The following KCNG1 variants were observed in gnomAD, a reference collection of about 807,000 sequenced individuals.
KCNG1 encodes potassium voltage-gated channel modifier subfamily G member 1.
Under a neutral mutation model 32.4 loss-of-function variants are expected in KCNG1, and 17 were observed. The ratio of observed to expected loss-of-function variants is 0.52; its 90% confidence interval spans 0.36 to 0.79. KCNG1 has a LOEUF of 0.79. Among genes scored for constraint, KCNG1 ranks in the 30% least tolerant of loss-of-function variants. KCNG1 has a pLI of 0.00. For synonymous variants in KCNG1, 358 were observed against 339.9 expected (o/e 1.05, Z -0.59); for missense variants, 441 against 735.2 (o/e 0.60, Z 4.63).
intron 1 of KCNG1, among the ~76,000 whole-genome samples, chr20:51,020,204 T>G (rs1246167020): frequency 6.6e-6 from 1 of 152,200 alleles, no homozygotes; most frequent in Non-Finnish European, 1.5e-5. Flanking sequence ...CACGTTTGCG[T>G]TTGCCTTCTT....
chr20:51,010,472 C>T, intron 1 of KCNG1, 108 bp from the exon 2 acceptor site: 1 of 798,568 alleles, frequency 1.3e-6, no homozygotes, highest in Non-Finnish European at 1.9e-6. Flanking sequence ...CTTTGTCCCC[C>T]ACATCCATAG....
chr20:51,022,159 T>C (rs932571094), intron 1 of KCNG1, among the ~76,000 whole-genome samples: 1 of 152,236 alleles, frequency 6.6e-6, no homozygotes, highest in Non-Finnish European at 1.5e-5. Context: ...GATGAATGAC[T>C]GTTGAGCGCT....
At chr20:51,011,633 G>T (rs1988098160) in intron 1 of KCNG1, among the ~76,000 whole-genome samples, 1 of 152,222 alleles carries the variant, frequency 6.6e-6, no homozygotes, top group African/African-American at 2.4e-5. Context: ...GAGCCACACA[G>T]CCTGGGCAAG....
chr20:51,019,375 G>T (rs1988389217), intron 1 of KCNG1, among the ~76,000 whole-genome samples: 1 of 152,122 alleles, frequency 6.6e-6, no homozygotes, highest in South Asian at 2.1e-4. Flanking sequence ...GCTGAGCATG[G>T]TGGTGTGTAC....
Position 51,004,340 on chromosome 20 carries a change from C to G in KCNG1, c.1241G>C (p.Cys414Ser). 1 of 1,613,922 alleles carries G rather than the reference C, an allele frequency of 6.2e-7. No homozygotes were observed. Among genetic ancestry groups the G allele is most frequent in the Non-Finnish European group, 8.5e-7 (1 of 1,179,822 alleles). Residue 414 changes from cysteine to serine, a missense_variant, in exon 3 of 3, where the codon TGC becomes TCC. Physicochemically the swap from Cys to Ser is moderately radical, Grantham distance 112 (BLOSUM62 -1). Transcript: ENST00000371571. The surrounding 1 kb of genome is among the most constrained non-coding windows in gnomAD (Gnocchi z 4.3). ...CATGGTGATGACAGCCCACCAGTAG[C>G]AGGCAGGGATGCTGGTGAACTCGGG... ...DSPEFTSIPACYWWAVITMTT... is the reference protein window; with the variant it reads ...DSPEFTSIPASYWWAVITMTT...
chr20:51,008,380 G>A (rs951502329), intron 2 of KCNG1, among the ~76,000 whole-genome samples: 38 of 152,156 alleles, frequency 2.5e-4, no homozygotes, highest in African/African-American at 9.2e-4. Context: ...GCCCAAGCAG[G>A]AGTGCAGTGG....
At chr20:51,007,898 T>C (rs1338899096) in intron 2 of KCNG1, 4 of 151,778 alleles carry the variant, frequency 2.6e-5, no homozygotes, top group African/African-American at 9.7e-5. Flanking sequence ...TAAGCCTCTG[T>C]GGATTATTAA....
In KCNG1 at chr20:51,004,678, C is replaced by T. The variant is rs1333175238; in HGVS notation, c.903G>A (p.Leu301=). 1 of 1,602,416 alleles carries T rather than the reference C, an allele frequency of 6.2e-7. No individual in the cohort carries two copies. The highest frequency in any genetic ancestry group is 2.3e-5 in the East Asian group (1 of 44,302). ...PSKFAFLRSP[L]TLIDLVAILP... is the part of the protein sequence containing the mutation. ...GGATGGCCACCAGGTCGATCAGCGT[C>T]AGCGGGCTCCGCAGGAAGGCGAACT... The change falls in exon 3 of 3, where the codon CTG becomes CTA. Residue 301 remains leucine (L), a synonymous_variant. Transcript: ENST00000371571. This position sits in a 1 kb window ranked among gnomAD's most constrained non-coding sequence, Gnocchi z 4.3.
chr20:51,003,822 C>G lies in KCNG1; in HGVS notation c.*217G>C, dbSNP rs953179150. On this transcript the variant is annotated 3_prime_UTR_variant, in exon 3 of 3. Coordinates refer to ENST00000371571, the MANE Select transcript of KCNG1 (RefSeq NM_002237.4). Reference sequence around the variant, plus strand: ...CGGGGCTGGGCTGATGACCCAGCTTCCTTTCACGGCTGCAGGCGGAGGGGC... The same window carrying G: ...CGGGGCTGGGCTGATGACCCAGCTTGCTTTCACGGCTGCAGGCGGAGGGGC... 7.1e-6 allele frequency: 4 copies of G among 562,740 alleles called. No homozygotes were observed. The African/African-American group carries it at 7.5e-5, about 11-fold the overall frequency. The allele number at this position is 562,740 out of a possible 1,614,324, so 34.9% of individuals were successfully genotyped here. A position where few individuals can be genotyped will look rare whatever the true frequency, so the allele number is the denominator to read the frequency against.
chr20:51,022,883 C>T lies in KCNG1; in HGVS notation c.-40G>A, dbSNP rs956230847. On this transcript the variant is annotated 5_prime_UTR_variant, in exon 1 of 3. Coordinates refer to ENST00000371571, the MANE Select transcript of KCNG1 (RefSeq NM_002237.4). ...CAAAGTTCCCACCTCAAGTTCCCGTCGCGGCGTCCCCGCCTCGGAGTTGGC... is the reference window on the plus strand; with the variant it reads ...CAAAGTTCCCACCTCAAGTTCCCGTTGCGGCGTCCCCGCCTCGGAGTTGGC... 3 of 152,244 alleles carry T rather than the reference C, an allele frequency of 2.0e-5. No individual in the cohort carries two copies. The highest frequency in any genetic ancestry group is 1.3e-4 in the Admixed American group (2 of 15,286). The allele number at this position is 152,244 out of a possible 1,614,324, so 9.4% of individuals were successfully genotyped here. A position where few individuals can be genotyped will look rare whatever the true frequency, so the allele number is the denominator to read the frequency against.
intron 1 of KCNG1, among the ~76,000 whole-genome samples, chr20:51,018,715 C>T (rs1988366400): frequency 6.6e-6 from 1 of 152,240 alleles, no homozygotes. Context: ...TCACTAATAC[C>T]CCCATTTTAC....
intron 1 of KCNG1, among the ~76,000 whole-genome samples, chr20:51,016,011 A>G (rs1988268346): frequency 6.6e-6 from 1 of 152,220 alleles, no homozygotes; most frequent in Non-Finnish European, 1.5e-5. Flanking sequence ...AAAGGAGCAC[A>G]GCCTTGCCAA....
intron 1 of KCNG1, among the ~76,000 whole-genome samples, chr20:51,014,633 G>A (rs187218815): frequency 1.3e-5 from 2 of 152,320 alleles, no homozygotes; most frequent in African/African-American, 2.4e-5. Flanking sequence ...CCGGAGACAC[G>A]GCAGAGAACA....
In KCNG1 at chr20:51,015,239, T is replaced by G; in HGVS notation, c.-26-4875A>C. 1.3e-5 allele frequency among the ~76,000 whole-genome samples: 2 copies of G among 149,106 alleles called. No individual in the cohort carries two copies. The highest frequency in any genetic ancestry group is 6.7e-5 in the Admixed American group (1 of 14,934). On this transcript the variant is annotated intron_variant, in intron 1 of 2. Coordinates refer to ENST00000371571, the MANE Select transcript of KCNG1 (RefSeq NM_002237.4). This position sits in a 1 kb window ranked among gnomAD's most constrained non-coding sequence, Gnocchi z 4.4. Reference sequence around the variant, plus strand: ...AGAGCCCTCAGGACTGGCTGAGGAATGGGGCCTGGGGGAGGGGGAAAAGAG... The same window carrying G: ...AGAGCCCTCAGGACTGGCTGAGGAAGGGGGCCTGGGGGAGGGGGAAAAGAG...
chr20:51,006,673 C>G (rs202042304), intron 2 of KCNG1: 1 of 152,412 alleles, frequency 6.6e-6, no homozygotes, highest in East Asian at 1.9e-4. Flanking sequence ...GCTGGGATTA[C>G]AGGCATGTGC....
Position 51,009,615 on chromosome 20 carries a change from C to T in KCNG1, c.724G>A (p.Val242Ile), listed in dbSNP as rs765775286. ...LSVLFVTVTA[V>I]NLSVSTLPSL... Reference sequence around the variant, plus strand: ...GGCAAGGTGCTGACGGAGAGGTTGACGGCGGTGACGGTCACGAAGAGCACC... The same window carrying T: ...GGCAAGGTGCTGACGGAGAGGTTGATGGCGGTGACGGTCACGAAGAGCACC... Residue 242 changes from valine to isoleucine, a missense_variant, in exon 2 of 3, where the codon GTC becomes ATC. Physicochemically the swap from Val to Ile is conservative, Grantham distance 29 (BLOSUM62 3). Transcript: ENST00000371571. 6 of 1,609,988 alleles carry T rather than the reference C, an allele frequency of 3.7e-6. No homozygotes were observed. The South Asian group carries it at 4.4e-5, about 12-fold the overall frequency.
At chr20:51,017,117 A>G (rs1988308018) in intron 1 of KCNG1, among the ~76,000 whole-genome samples, 2 of 152,202 alleles carry the variant, frequency 1.3e-5, no homozygotes, top group Admixed American at 1.3e-4. Context: ...CAAGGTACAA[A>G]AATGTGTGTT....
chr20:51,017,245 T>C (rs1007374455), intron 1 of KCNG1, among the ~76,000 whole-genome samples: 2 of 152,150 alleles, frequency 1.3e-5, no homozygotes, highest in African/African-American at 2.4e-5. Context: ...TCAGAAGCAA[T>C]GGACTGAGTG....
In KCNG1 at chr20:51,015,371, G is replaced by GAA. The variant is rs1212273834; in HGVS notation, c.-26-5009_-26-5008dup. 6.6e-6 allele frequency among the ~76,000 whole-genome samples: 1 copy of GAA among 152,198 alleles called. No individual in the cohort carries two copies. Among genetic ancestry groups the GAA allele is most frequent in the African/African-American group, 2.4e-5 (1 of 41,438 alleles). ...CCTGGCTGTGGGATTATGGACAGAA[G>GAA]AAGCAGCTGGCAAAATCCAGGAGAG... On this transcript the variant is annotated intron_variant, in intron 1 of 2. Transcript: ENST00000371571. This position sits in a 1 kb window ranked among gnomAD's most constrained non-coding sequence, Gnocchi z 4.4.
Sources: allele counts gnomAD v4.1 joint callset (sites outside exome capture counted in the v4.1 genomes callset), GRCh38; gene constraint gnomAD v4.1.1; non-coding constraint Gnocchi (gnomAD v3.1); transcripts MANE v1.5; gene names NCBI Gene and HGNC (gene_info 2026-07-23, HGNC 2026-07-21).